Variants in CNTN5 observed in about 807,000 individuals in gnomAD.
CNTN5 encodes the protein contactin-5.
A neutral mutation model predicts 129.1 loss-of-function variants in CNTN5; 77 were observed. That is an observed-to-expected ratio of 0.60 (90% CI 0.50 to 0.72). The LOEUF is 0.72. Among genes scored for constraint, CNTN5 ranks in the 30% least tolerant of loss-of-function variants. The pLI, the probability that CNTN5 is intolerant of heterozygous loss-of-function variation, is 0.00. For synonymous variants in CNTN5, 509 were observed against 465.6 expected, an observed-to-expected ratio of 1.09 and a Z score of -1.20; for missense variants, 1,478 against 1,328.8, an observed-to-expected ratio of 1.11 and a Z score of -1.75.
In CNTN5 at chr11:100,341,186, C is replaced by A. The variant is rs1228103326; in HGVS notation, c.3011C>A (p.Ser1004Tyr). 1.2e-6 allele frequency: 2 copies of A among 1,613,306 alleles called. No homozygotes were observed. The highest frequency in any genetic ancestry group is 1.3e-5 in the African/African-American group (1 of 74,900). The change falls in exon 23 of 25, where the codon TCT becomes TAT. Residue 1004 changes from serine to tyrosine, a missense_variant. Physicochemically the swap from Ser to Tyr is moderately radical, Grantham distance 144. Transcript: ENST00000524871. ...CCCGTCATACCATTAGCCAACGAAT[C>A]TGAAGTTGTGGGTTACAAGGTCAGT... ...WEPVIPLANESEVVGYKVFYR... is the reference protein window; with the variant it reads ...WEPVIPLANEYEVVGYKVFYR...
At chr11:100,087,497 G>A (rs958582009) in intron 13 of CNTN5, among the ~76,000 whole-genome samples, 2 of 151,890 alleles carry the variant, frequency 1.3e-5, no homozygotes, top group Non-Finnish European at 1.5e-5. Context: ...AAGACAATAT[G>A]AGAAGTAAAA....
intron 2 of CNTN5, among the ~76,000 whole-genome samples, chr11:99,442,376 G>A (rs747429753): frequency 6.6e-6 from 1 of 152,022 alleles, no homozygotes; most frequent in African/African-American, 2.4e-5. Flanking sequence ...CACCACATTG[G>A]CCAGGCTGGT....
At chr11:99,982,553 C>T (rs1187560846) in intron 8 of CNTN5, among the ~76,000 whole-genome samples, 2 of 152,166 alleles carry the variant, frequency 1.3e-5, no homozygotes, top group Non-Finnish European at 2.9e-5. Flanking sequence ...TCACAGTTTG[C>T]TCTTGAAACA....
At chr11:99,105,118 T>C (rs1477960541) in intron 1 of CNTN5, among the ~76,000 whole-genome samples, 1 of 152,164 alleles carries the variant, frequency 6.6e-6, no homozygotes, top group African/African-American at 2.4e-5. Context: ...GTTTGAATTG[T>C]GACTCTGCAC....
chr11:100,010,081 G>C (rs1427405667), intron 9 of CNTN5, among the ~76,000 whole-genome samples: 1 of 152,132 alleles, frequency 6.6e-6, no homozygotes, highest in East Asian at 1.9e-4. Context: ...AAGGGATTGA[G>C]AGATAAAGGG....
At chr11:99,384,474 C>A (rs533206111) in intron 2 of CNTN5, among the ~76,000 whole-genome samples, 1 of 152,040 alleles carries the variant, frequency 6.6e-6, no homozygotes, top group African/African-American at 2.4e-5. Context: ...TGAATTTCAC[C>A]CCCAACCGAG....
intron 13 of CNTN5, among the ~76,000 whole-genome samples, chr11:100,155,435 A>G (rs184458745): frequency 7.0e-4 from 107 of 152,190 alleles, no homozygotes; most frequent in African/African-American, 2.5e-3. Flanking sequence ...CTTGTAGTGT[A>G]GTTTGAAGTC....
chr11:99,814,975 G>A (rs1565561774), intron 3 of CNTN5, among the ~76,000 whole-genome samples: 1 of 151,994 alleles, frequency 6.6e-6, no homozygotes, highest in African/African-American at 2.4e-5. Flanking sequence ...GGTGGATCTT[G>A]ACAAACACTT....
chr11:99,913,118 C>T (rs541276648), intron 6 of CNTN5, among the ~76,000 whole-genome samples: 9 of 152,050 alleles, frequency 5.9e-5, no homozygotes, highest in African/African-American at 1.2e-4. Flanking sequence ...AGACACTGAA[C>T]CTGCACATAC....
chr11:99,585,888 G>A (rs1949777070), intron 3 of CNTN5, among the ~76,000 whole-genome samples: 1 of 152,076 alleles, frequency 6.6e-6, no homozygotes. Context: ...AAATTTCCGT[G>A]GTGAAGCAGG....
intron 18 of CNTN5, among the ~76,000 whole-genome samples, chr11:100,284,231 C>T (rs1264405635): frequency 6.6e-6 from 1 of 152,170 alleles, no homozygotes; most frequent in Non-Finnish European, 1.5e-5. Flanking sequence ...ACTGTGAGTG[C>T]TCACCTGATT....
At chr11:99,523,669 C>CAGAATAGAAT (rs1565258738) in intron 2 of CNTN5, among the ~76,000 whole-genome samples, 1 of 28,324 alleles carries the variant, frequency 3.5e-5, no homozygotes, top group African/African-American at 1.6e-4. Flanking sequence ...CAGATCAGAA[C>CAGAATAGAAT]AGAACAGAAC....
intron 13 of CNTN5, among the ~76,000 whole-genome samples, chr11:100,177,963 C>G (rs2138437648): frequency 6.6e-6 from 1 of 152,194 alleles, no homozygotes. Flanking sequence ...AAAAACCTGC[C>G]AGGGTTCTCA....
At chr11:99,090,208 T>C (rs1475893079) in intron 1 of CNTN5, among the ~76,000 whole-genome samples, 1 of 152,222 alleles carries the variant, frequency 6.6e-6, no homozygotes, top group Non-Finnish European at 1.5e-5. Flanking sequence ...GGGATATTCA[T>C]TGACATCAAG....
chr11:100,001,576 G>A (rs1044672876), intron 8 of CNTN5, among the ~76,000 whole-genome samples: 6 of 152,178 alleles, frequency 3.9e-5, no homozygotes, highest in Non-Finnish European at 8.8e-5. Flanking sequence ...TAGTTGCTGA[G>A]TGCTTGAGAG....
chr11:100,092,438 G>A (rs1313039635), intron 13 of CNTN5, among the ~76,000 whole-genome samples: 2 of 152,088 alleles, frequency 1.3e-5, no homozygotes, highest in South Asian at 2.1e-4. Flanking sequence ...CGTGGTGAAT[G>A]TGTCTCCAGG....
chr11:100,281,040 T>C (rs985649811), intron 18 of CNTN5, among the ~76,000 whole-genome samples: 1 of 152,126 alleles, frequency 6.6e-6, no homozygotes, highest in African/African-American at 2.4e-5. Context: ...TATTGTACTG[T>C]CTATGTATTT....
intron 19 of CNTN5, 79 bp from the exon 20 acceptor site, chr11:100,299,083 T>A: frequency 2.2e-6 from 2 of 917,080 alleles, no homozygotes; most frequent in Admixed American, 5.8e-5. Context: ...ATCTATAATT[T>A]TTTTTAATTA....
intron 3 of CNTN5, among the ~76,000 whole-genome samples, chr11:99,620,916 T>C (rs981371975): frequency 7.9e-6 from 1 of 126,134 alleles, no homozygotes; most frequent in Non-Finnish European, 1.8e-5. Flanking sequence ...CATCTAACTA[T>C]ACTTAGAATT....
Sources: gnomAD v4.1 joint callset for allele counts (sites outside exome capture counted in the v4.1 genomes callset) on GRCh38, gnomAD v4.1.1 for gene constraint, MANE v1.5 for transcripts, NCBI Gene and HGNC (gene_info 2026-07-23, HGNC 2026-07-21) for gene names.